CSMD2: variants seen among roughly 807,000 people sequenced by gnomAD.
CSMD2 encodes the protein CUB and Sushi multiple domains 2.
Under a neutral mutation model 398.5 loss-of-function variants are expected in CSMD2, and 130 were observed. The ratio of observed to expected loss-of-function variants is 0.33; its 90% CI spans 0.28 to 0.38. CSMD2 has a LOEUF of 0.38. Among genes scored for constraint, CSMD2 ranks in the 10% least tolerant of loss-of-function variants. The pLI, the probability that CSMD2 is intolerant of heterozygous loss-of-function variation, is 1.00. For missense variants in CSMD2, 3,829 were observed against 4,764.9 expected (o/e 0.80, Z 5.78); for synonymous variants, 1,828 against 1,908.5 (o/e 0.96, Z 1.10).
chr1:34,081,711 G>A (rs1421030296), intron 2 of CSMD2, among the ~76,000 whole-genome samples: 2 of 152,222 alleles, frequency 1.3e-5, no homozygotes, highest in Non-Finnish European at 1.5e-5. Flanking sequence ...GCTCAATGTT[G>A]CCCAGGCTGG....
At chr1:33,720,150 G>A (rs1646310931) in intron 19 of CSMD2, among the ~76,000 whole-genome samples, 1 of 152,224 alleles carries the variant, frequency 6.6e-6, no homozygotes, top group African/African-American at 2.4e-5. Flanking sequence ...AATGCCCTCT[G>A]GAGAAGGGCC....
At chr1:33,754,838 G>A (rs1193456361) in intron 13 of CSMD2, among the ~76,000 whole-genome samples, 1 of 152,114 alleles carries the variant, frequency 6.6e-6, no homozygotes. Flanking sequence ...GAGGAAGGGC[G>A]AGGATGGGTG....
At chr1:33,763,745 G>A (rs1008903032) in intron 13 of CSMD2, among the ~76,000 whole-genome samples, 1 of 152,326 alleles carries the variant, frequency 6.6e-6, no homozygotes. Context: ...GCCAAGCCCA[G>A]CTAAGCATGA....
intron 41 of CSMD2, chr1:33,606,050 C>T (rs1640583517): frequency 6.4e-7 from 1 of 1,553,144 alleles, no homozygotes; most frequent in East Asian, 2.3e-5. Flanking sequence ...GTGGCTGTCA[C>T]AAAGCAAGTC....
At chr1:34,005,938 A>G (rs1357976734) in intron 3 of CSMD2, among the ~76,000 whole-genome samples, 2 of 152,226 alleles carry the variant, frequency 1.3e-5, no homozygotes, top group African/African-American at 4.8e-5. Flanking sequence ...CACATGTGCC[A>G]CTATTTTGCT....
chr1:33,681,965 C>G (rs919554086), intron 25 of CSMD2, among the ~76,000 whole-genome samples: 1 of 151,884 alleles, frequency 6.6e-6, no homozygotes, highest in Non-Finnish European at 1.5e-5. Context: ...GACTCCAAAT[C>G]AAACAAACAA....
chr1:33,950,884 T>A (rs1039565858), intron 3 of CSMD2, among the ~76,000 whole-genome samples: 2 of 152,220 alleles, frequency 1.3e-5, no homozygotes, highest in African/African-American at 4.8e-5. Flanking sequence ...TGTCTTCATG[T>A]CTCTGAAGAG....
At chr1:33,837,175 G>A (rs1274100203) in intron 6 of CSMD2, among the ~76,000 whole-genome samples, 2 of 152,058 alleles carry the variant, frequency 1.3e-5, no homozygotes, top group Non-Finnish European at 2.9e-5. Flanking sequence ...CAGCACCATG[G>A]GAAATCAGCC....
At position 33,934,883 on chromosome 1, in the gene CSMD2, G is replaced by A. The variant is rs542259832; in HGVS notation, c.712+877C>T. ...GCCGGGCATGGTGGCACATGCCTGC[G>A]GTCCCTGCAACTCCAGAGGCTGAGG... On this transcript the variant is annotated intron_variant, in intron 4 of 70. Transcript: ENST00000373381. Among the ~76,000 whole-genome samples, 34 of 150,474 alleles carry A rather than the reference G, an allele frequency of 2.3e-4. 1 individual carries two copies. Among genetic ancestry groups the A allele is most frequent in the African/African-American group, 3.2e-4 (13 of 40,976 alleles).
At chr1:34,155,279 A>G (rs1321983947) in intron 1 of CSMD2, among the ~76,000 whole-genome samples, 1 of 152,196 alleles carries the variant, frequency 6.6e-6, no homozygotes, top group Non-Finnish European at 1.5e-5. Flanking sequence ...AACTCAGGAA[A>G]ACTGTCCCTG....
At chr1:33,722,958 C>A (rs1238918993) in intron 19 of CSMD2, among the ~76,000 whole-genome samples, 1 of 152,078 alleles carries the variant, frequency 6.6e-6, no homozygotes, top group Non-Finnish European at 1.5e-5. Context: ...TGTTTTAACA[C>A]CATTTATTAC....
chr1:33,734,828 C>T (rs920130734), intron 15 of CSMD2, among the ~76,000 whole-genome samples: 10 of 152,054 alleles, frequency 6.6e-5, no homozygotes, highest in African/African-American at 2.4e-4. Context: ...AAAATACACA[C>T]TCACTGTAGA....
intron 6 of CSMD2, among the ~76,000 whole-genome samples, chr1:33,844,728 G>A (rs1661193317): frequency 6.6e-6 from 1 of 152,200 alleles, no homozygotes; most frequent in South Asian, 2.1e-4. Flanking sequence ...ACGGGTAATA[G>A]TATCTCCTTC....
At chr1:34,082,423 C>A (rs1230394508) in intron 2 of CSMD2, among the ~76,000 whole-genome samples, 1 of 151,344 alleles carries the variant, frequency 6.6e-6, no homozygotes, top group Non-Finnish European at 1.5e-5. Flanking sequence ...GTGGGGGGCG[C>A]CCCCGCCTGG....
At chr1:34,055,507 A>AC (rs1653730904) in intron 2 of CSMD2, among the ~76,000 whole-genome samples, 1 of 152,040 alleles carries the variant, frequency 6.6e-6, no homozygotes, top group South Asian at 2.1e-4. Flanking sequence ...GATTCCCAGG[A>AC]CCCCCTCCCC....
intron 4 of CSMD2, among the ~76,000 whole-genome samples, chr1:33,922,296 A>T (rs2125295350): frequency 6.6e-6 from 1 of 152,264 alleles, no homozygotes; most frequent in East Asian, 1.9e-4. Flanking sequence ...AGATACCTGA[A>T]AGAAGAGAAG....
chr1:34,161,529 T>C (rs1641326859), intron 1 of CSMD2, among the ~76,000 whole-genome samples: 1 of 151,926 alleles, frequency 6.6e-6, no homozygotes, highest in South Asian at 2.1e-4. Flanking sequence ...AGGAGAAAAA[T>C]CAGTAAAACA....
chr1:33,533,525 C>T lies in CSMD2; in HGVS notation c.9991+271G>A, dbSNP rs531080955. ...TGGGTCAAAAGCTTGATATCTCCAT[C>T]CTGAGGCCTGGCCTTGCAGTTGTTA... On this transcript the variant is annotated intron_variant, in intron 63 of 70. Coordinates refer to ENST00000373381, the MANE Select transcript of CSMD2 (RefSeq NM_001281956.2). The surrounding 1 kb of genome is among the most constrained non-coding windows in gnomAD (Gnocchi z 4.2). 2.0e-4 allele frequency among the ~76,000 whole-genome samples: 31 copies of T among 152,280 alleles called. No individual in the cohort carries two copies. Among genetic ancestry groups the T allele is most frequent in the African/African-American group, 7.5e-4 (31 of 41,552 alleles).
At chr1:34,053,355 G>A (rs1405917717) in intron 2 of CSMD2, among the ~76,000 whole-genome samples, 1 of 152,128 alleles carries the variant, frequency 6.6e-6, no homozygotes, top group Non-Finnish European at 1.5e-5. Flanking sequence ...AGACTGAAAG[G>A]TCACCAGATC....
Sources: gnomAD v4.1 joint callset for allele counts (sites outside exome capture counted in the v4.1 genomes callset) on GRCh38, gnomAD v4.1.1 for gene constraint, Gnocchi (gnomAD v3.1) non-coding constraint, MANE v1.5 for transcripts, NCBI Gene and HGNC (gene_info 2026-07-23, HGNC 2026-07-21) for gene names.